USP38: variants seen among roughly 807,000 people sequenced by gnomAD.
The protein encoded by USP38 is ubiquitin specific peptidase 38, also known as ubiquitin carboxyl-terminal hydrolase 38.
In USP38, 49 loss-of-function variants were observed where a neutral mutation model predicts 94.3. That is an observed-to-expected ratio of 0.52 (90% CI 0.41 to 0.66). The LOEUF (loss-of-function observed/expected upper bound fraction) is 0.66. Ranked by LOEUF, USP38 falls within the 30% of genes least tolerant of loss-of-function variation. The pLI, the probability that USP38 is intolerant of heterozygous loss-of-function variation, is 0.00. For missense variants in USP38, 1,128 were observed against 1,229.4 expected, an observed-to-expected ratio of 0.92 and a Z score of 1.23; for synonymous variants, 468 against 463.6, an observed-to-expected ratio of 1.01 and a Z score of -0.12.
At chr4:143,203,329 T>C (rs1022708299) in intron 4 of USP38, 79 bp from the exon 5 acceptor site, 8 of 1,391,072 alleles carry the variant, frequency 5.8e-6, no homozygotes, top group Non-Finnish European at 7.9e-6. Flanking sequence ...TCATATATCG[T>C]TTGTGTTCTG....
At chr4:143,206,002 T>G in intron 5 of USP38, 31 bp from the exon 6 acceptor site, 1 of 1,434,778 alleles carries the variant, frequency 7.0e-7, no homozygotes, top group Non-Finnish European at 9.3e-7. Flanking sequence ...TACTTTACTT[T>G]TAAACTGTTT....
intron 4 of USP38, among the ~76,000 whole-genome samples, chr4:143,199,276 A>G (rs1311419390): frequency 1.3e-5 from 2 of 152,116 alleles, no homozygotes; most frequent in Non-Finnish European, 2.9e-5. Flanking sequence ...TAAGGATAAT[A>G]ATAGCCTCGC....
chr4:143,215,696 A>G (rs1360680379), intron 9 of USP38: 2 of 152,122 alleles, frequency 1.3e-5, no homozygotes, highest in Non-Finnish European at 2.9e-5. Flanking sequence ...TTGAGTTTGA[A>G]TGAGTACATT....
intron 6 of USP38, among the ~76,000 whole-genome samples, chr4:143,208,756 T>C (rs1731941973): frequency 6.6e-6 from 1 of 151,996 alleles, no homozygotes; most frequent in African/African-American, 2.4e-5. Context: ...GGGTGTTTTA[T>C]TTATAATTTT....
At chr4:143,218,979 G>A (rs1248763321) in intron 9 of USP38, among the ~76,000 whole-genome samples, 2 of 151,770 alleles carry the variant, frequency 1.3e-5, no homozygotes, top group Admixed American at 1.3e-4. Flanking sequence ...TAATTCCTAC[G>A]TTAATTTTAT....
rs781359204 is a variant in USP38 at position 143,214,004 on chromosome 4, A to C, written c.2028A>C (p.Lys676Asn). ...TCTGTGACTCACTTGTGAATGAAAAAACCATAGGCAGTCCTCCTAATGAGT... is the reference window on the plus strand; with the variant it reads ...TCTGTGACTCACTTGTGAATGAAAACACCATAGGCAGTCCTCCTAATGAGT... ...AFICDSLVNE[K>N]TIGSPPNEFY... The change falls in exon 9 of 10, where the codon AAA becomes AAC. Residue 676 changes from lysine to asparagine, a missense_variant. Physicochemically the swap from Lys to Asn is moderately conservative, Grantham distance 94. Transcript: ENST00000307017. 6.2e-7 allele frequency: 1 copy of C among 1,613,528 alleles called. No individual in the cohort carries two copies. Among genetic ancestry groups the C allele is most frequent in the Admixed American group, 1.7e-5 (1 of 59,962 alleles).
At chr4:143,190,650 A>G (rs1159808445) in intron 2 of USP38, among the ~76,000 whole-genome samples, 1 of 152,156 alleles carries the variant, frequency 6.6e-6, no homozygotes, top group Non-Finnish European at 1.5e-5. Context: ...TTTGATTAAC[A>G]TAATTAATAA....
Position 143,214,628 on chromosome 4 carries a change from A to C in USP38, c.2652A>C (p.Ala884=). 1 of 1,613,676 alleles carries C rather than the reference A, an allele frequency of 6.2e-7. No homozygotes were observed. The highest frequency in any genetic ancestry group is 8.5e-7 in the Non-Finnish European group (1 of 1,179,794). ...ACCAGTCTGAGGCTCTGGCATTAGC[A>C]TCCTCCCAGAGTCATTTACTAGGGA... ...MYHQSEALAL[A]SSQSHLLGRD... Residue 884 remains alanine, a synonymous_variant, in exon 9 of 10, where the codon GCA becomes GCC. Transcript: ENST00000307017.
intron 9 of USP38, among the ~76,000 whole-genome samples, chr4:143,218,372 T>C (rs1262305824): frequency 6.6e-6 from 1 of 152,088 alleles, no homozygotes; most frequent in Non-Finnish European, 1.5e-5. Flanking sequence ...TATAAATTTG[T>C]GATATAAATT....
In USP38 at chr4:143,188,047, G is replaced by A. The variant is rs1033364927; in HGVS notation, c.818+86G>A. 4.8e-5 allele frequency: 68 copies of A among 1,419,430 alleles called. No individual in the cohort carries two copies. In the Admixed American group the frequency reaches 1.4e-3, roughly 28 times the overall value. The allele number at this position is 1,419,430 out of a possible 1,614,324, so 87.9% of individuals were successfully genotyped here. A position where few individuals can be genotyped will look rare whatever the true frequency, so the allele number is the denominator to read the frequency against. ...ATTTTGTGAGTAATGAAAAACTTAC[G>A]AATGTTTAAAACTAAAATCATGGAA... is the stretch of plus-strand genomic sequence containing the variant. On this transcript the variant is annotated intron_variant, in intron 2 of 9. Coordinates refer to ENST00000307017, the MANE Select transcript of USP38 (RefSeq NM_032557.6).
intron 7 of USP38, 142 bp from the exon 8 acceptor site, chr4:143,212,176 C>T (rs1315045478): frequency 1.9e-6 from 1 of 531,130 alleles, no homozygotes; most frequent in Non-Finnish European, 3.3e-6. Context: ...TTATCTGTCC[C>T]TAAGTTGCCA....
rs1731215822 is a variant in USP38 at position 143,186,120 on chromosome 4, A to G, written c.670A>G (p.Ile224Val). ...TTCCCTGCAAGAAGTTTTTGCAAGC[A>G]TCTCTTCCACAGGTAAGGGTCATTA... ...LPSLQEVFAS[I>V]SSTDASFEPS... The change falls in exon 1 of 10, where the codon ATC becomes GTC. Residue 224 changes from isoleucine to valine, a missense_variant. Coordinates refer to ENST00000307017, the MANE Select transcript of USP38 (RefSeq NM_032557.6). 1 of 1,614,072 alleles carries G rather than the reference A, an allele frequency of 6.2e-7. No individual in the cohort carries two copies. The highest frequency in any genetic ancestry group is 1.3e-5 in the African/African-American group (1 of 75,046).
chr4:143,198,947 A>G (rs1467727476), intron 4 of USP38, among the ~76,000 whole-genome samples: 5 of 152,166 alleles, frequency 3.3e-5, no homozygotes, highest in Admixed American at 1.3e-4. Context: ...AGGCACAATC[A>G]TGTGTAAGAC....
Position 143,213,708 on chromosome 4 carries a change from A to G in USP38, c.1732A>G (p.Thr578Ala). 6.2e-7 allele frequency: 1 copy of G among 1,613,788 alleles called. No homozygotes were observed. The highest frequency in any genetic ancestry group is 8.5e-7 in the Non-Finnish European group (1 of 1,179,834). The change falls in exon 9 of 10, where the codon ACA (threonine) becomes GCA (alanine). Residue 578 changes from threonine to alanine, a missense_variant. Coordinates refer to ENST00000307017, the MANE Select transcript of USP38 (RefSeq NM_032557.6). ...AGCAGTACTAACAGAGACCCCTCGTACAAGTGACGGTGAGAAGACTTTAAT... is the reference window on the plus strand; with the variant it reads ...AGCAGTACTAACAGAGACCCCTCGTGCAAGTGACGGTGAGAAGACTTTAAT... ...KAAVLTETPR[T>A]SDGEKTLIEK...
intron 4 of USP38, among the ~76,000 whole-genome samples, chr4:143,202,792 T>C (rs1369250604): frequency 6.6e-6 from 1 of 152,176 alleles, no homozygotes; most frequent in Non-Finnish European, 1.5e-5. Flanking sequence ...AAGTTTCTGA[T>C]GCCCTTTATT....
chr4:143,209,489 C>CAAA, intron 6 of USP38, 75 bp from the exon 7 acceptor site: 7 of 699,100 alleles, frequency 1.0e-5, no homozygotes, highest in Non-Finnish European at 1.5e-5. Flanking sequence ...AACTCTGTCT[C>CAAA]AAAAAAAAAA....
chr4:143,211,548 C>T (rs1210492376), intron 7 of USP38, among the ~76,000 whole-genome samples: 1 of 152,120 alleles, frequency 6.6e-6, no homozygotes, highest in Non-Finnish European at 1.5e-5. Context: ...CTTCAGAATG[C>T]TATAAACACC....
At position 143,185,757 on chromosome 4, in the gene USP38, A is replaced by C; in HGVS notation, c.307A>C (p.Ile103Leu). 1 of 1,614,186 alleles carries C rather than the reference A, an allele frequency of 6.2e-7. No individual in the cohort carries two copies. The highest frequency in any genetic ancestry group is 2.2e-5 in the East Asian group (1 of 44,868). ...CTCTCTGGACAGGAAGGATGTAGCCATCCTGGACTACATTCACAACGGCCT... is the reference window on the plus strand; with the variant it reads ...CTCTCTGGACAGGAAGGATGTAGCCCTCCTGGACTACATTCACAACGGCCT... Reference protein sequence around the residue: ...YHSLDRKDVAILDYIHNGLKL... With the variant: ...YHSLDRKDVALLDYIHNGLKL... The change falls in exon 1 of 10, where the codon ATC (isoleucine) becomes CTC (leucine). Residue 103 changes from isoleucine (I) to leucine (L), a missense_variant. By Grantham distance (5) the Ile-to-Leu change is conservative. Coordinates refer to ENST00000307017, the MANE Select transcript of USP38 (RefSeq NM_032557.6).
chr4:143,193,276 G>T (rs1731453723), intron 2 of USP38, among the ~76,000 whole-genome samples: 2 of 151,238 alleles, frequency 1.3e-5, no homozygotes, highest in Admixed American at 6.6e-5. Flanking sequence ...GATTCCTCAT[G>T]GATAGATTCA....
Sources: allele counts gnomAD v4.1 joint callset (sites outside exome capture counted in the v4.1 genomes callset), GRCh38; gene constraint gnomAD v4.1.1; transcripts MANE v1.5; gene names NCBI Gene and HGNC (gene_info 2026-07-23, HGNC 2026-07-21).